HHIPL2: variants seen among roughly 807,000 people sequenced by gnomAD.
The protein encoded by HHIPL2 is HHIP like 2, also known as HHIP-like protein 2.
A neutral mutation model predicts 61.0 loss-of-function variants in HHIPL2; 61 were observed. The ratio of observed to expected loss-of-function variants is 1.00; its 90% confidence interval spans 0.81 to 1.24. HHIPL2 has a LOEUF of 1.24. Among genes scored for constraint, HHIPL2 ranks in the 50% most tolerant of loss-of-function variants. The probability of loss-of-function intolerance (pLI) is 0.00; values close to 1 mark genes in which losing one functional copy is unlikely to be tolerated. For missense variants in HHIPL2, 885 were observed against 910.2 expected, an observed-to-expected ratio of 0.97 and a Z score of 0.36; for synonymous variants, 343 against 357.4, an observed-to-expected ratio of 0.96 and a Z score of 0.45.
chr1:222,542,238 G>A lies in HHIPL2; in HGVS notation c.975-83C>T, dbSNP rs983837626. 9.3e-6 allele frequency: 14 copies of A among 1,498,102 alleles called. No individual in the cohort carries two copies. The Admixed American group carries it at 3.0e-4, about 32-fold the overall frequency. The allele number at this position is 1,498,102 out of a possible 1,614,324, so 92.8% of individuals were successfully genotyped here. A position where few individuals can be genotyped will look rare whatever the true frequency, so the allele number is the denominator to read the frequency against. On this transcript the variant is annotated intron_variant, in intron 2 of 8. Transcript: ENST00000343410. Reference sequence around the variant, plus strand: ...TCTTGAGATACCCAGAAATGACTGGGCCAAGCCACCGAGATTTGCCAAGCC... The same window carrying A: ...TCTTGAGATACCCAGAAATGACTGGACCAAGCCACCGAGATTTGCCAAGCC...
rs533756995 is a variant in HHIPL2 at position 222,526,408 on chromosome 1, TAA to T, written c.1805+559_1805+560del. 2.9e-3 allele frequency among the ~76,000 whole-genome samples: 381 copies of T among 130,542 alleles called. 4 individuals carry two copies. Among genetic ancestry groups the T allele is most frequent in the African/African-American group, 9.7e-3 (349 of 35,898 alleles). 85.6% of individuals were successfully genotyped at this position (130,542 alleles called of 152,430 possible). ...CAGACAGACATTTCCAGAAGCATAT[TAA>T]AAAAAAAAAAAAAGGCTGGGCATGG... is the stretch of plus-strand genomic sequence containing the variant. On this transcript the variant is annotated intron_variant, in intron 7 of 8. Transcript: ENST00000343410.
intron 5 of HHIPL2, among the ~76,000 whole-genome samples, chr1:222,535,151 G>C (rs961904488): frequency 2.0e-5 from 3 of 152,144 alleles, no homozygotes; most frequent in Non-Finnish European, 4.4e-5. Flanking sequence ...CATTGGAATG[G>C]TGCAAGCCAG....
intron 8 of HHIPL2, among the ~76,000 whole-genome samples, chr1:222,523,365 A>C (rs1276829195): frequency 1.3e-5 from 2 of 152,252 alleles, no homozygotes; most frequent in Non-Finnish European, 2.9e-5. Flanking sequence ...AAATGAATGA[A>C]TACATGAACG....
intron 7 of HHIPL2, chr1:222,524,873 A>G (rs376646629): frequency 3.3e-5 from 5 of 151,882 alleles, no homozygotes; most frequent in Non-Finnish European, 5.9e-5. Flanking sequence ...TCCTAAAATG[A>G]CCTCTCCACA....
chr1:222,538,739 C>T lies in HHIPL2; in HGVS notation c.1486G>A (p.Val496Met). 6.2e-7 allele frequency: 1 copy of T among 1,614,130 alleles called. No homozygotes were observed. The highest frequency in any genetic ancestry group is 2.2e-5 in the East Asian group (1 of 44,884). The change falls in exon 5 of 9, where the codon GTG (valine) becomes ATG (methionine). Residue 496 changes from valine to methionine, a missense_variant. By Grantham distance (21) the Val-to-Met change is conservative. Transcript: ENST00000343410. The part of the protein sequence containing the change: ...VLPIYAYGHA[V>M]GKSVTGGYVY... ...TAACCTCCAGTGACTGACTTCCCCA[C>T]TGCATGGCCATAAGCATAGATTGGC...
intron 3 of HHIPL2, among the ~76,000 whole-genome samples, chr1:222,541,108 G>C (rs911377627): frequency 6.6e-6 from 1 of 152,198 alleles, no homozygotes; most frequent in Non-Finnish European, 1.5e-5. Context: ...TATTTACCTT[G>C]CGGTGTGGTT....
Position 222,532,057 on chromosome 1 carries a change from AT to A in HHIPL2, c.1631del (p.Asp544ValfsTer15). 4 of 1,613,866 alleles carry A rather than the reference AT, an allele frequency of 2.5e-6. No homozygotes were observed. The highest frequency in any genetic ancestry group is 2.5e-6 in the Non-Finnish European group (3 of 1,179,798). ...DRKNKKWKKQ[D>X]LCLGSTTSCA... ...AGGACGTGGTGCTGCCCAGGCAAAG[AT>A]CCTGCTTCTTCCATTTCTTGTTTTT... On this transcript the variant is annotated frameshift_variant, in exon 6 of 9. Transcript: ENST00000343410. LOFTEE classifies it high-confidence loss of function.
chr1:222,544,878 G>C (rs1659522296), intron 1 of HHIPL2, among the ~76,000 whole-genome samples: 1 of 152,184 alleles, frequency 6.6e-6, no homozygotes, highest in African/African-American at 2.4e-5. Context: ...TCAGAGATTA[G>C]GTGTTTAGCA....
intron 2 of HHIPL2, 143 bp downstream of exon 2, chr1:222,543,394 C>A: frequency 1.2e-6 from 1 of 810,316 alleles, no homozygotes; most frequent in Non-Finnish European, 2.0e-6. Flanking sequence ...TAACTTGGGC[C>A]GTTCTCAATC....
At chr1:222,533,847 A>G (rs1384794481) in intron 5 of HHIPL2, among the ~76,000 whole-genome samples, 1 of 152,220 alleles carries the variant, frequency 6.6e-6, no homozygotes, top group African/African-American at 2.4e-5. Context: ...CAGGAAGACC[A>G]ATGCAGTAAG....
In HHIPL2 at chr1:222,543,927, C is replaced by A. The variant is rs1242540886; in HGVS notation, c.584G>T (p.Gly195Val). 1 of 1,614,198 alleles carries A rather than the reference C, an allele frequency of 6.2e-7. No homozygotes were observed. The highest frequency in any genetic ancestry group is 2.2e-5 in the East Asian group (1 of 44,882). Residue 195 changes from glycine to valine, a missense_variant, in exon 2 of 9, where the codon GGC becomes GTC. Physicochemically the swap from Gly to Val is moderately radical, Grantham distance 109. Coordinates refer to ENST00000343410, the MANE Select transcript of HHIPL2 (RefSeq NM_024746.4). ...GCCCTGAGGATCTTGGGCCACCATG[C>A]CCAGGTGGCGGTTGAGATAGTCGTT... ...LRNDYLNRHL[G>V]MVAQDPQGCL...
chr1:222,531,164 A>G (rs1386569534), intron 6 of HHIPL2, among the ~76,000 whole-genome samples: 3 of 152,098 alleles, frequency 2.0e-5, no homozygotes, highest in Non-Finnish European at 4.4e-5. Context: ...CCTTTTTCTC[A>G]GGTTTCTAAA....
At chr1:222,546,051 T>A (rs12049130) in intron 1 of HHIPL2, among the ~76,000 whole-genome samples, 3,506 of 150,582 alleles carry the variant, frequency 0.023, 109 homozygotes, top group East Asian at 0.15. Flanking sequence ...TCTCAAAAAA[T>A]AAATAAATAA....
chr1:222,538,240 GTGTGTGTGTA>G (rs1659346430), intron 5 of HHIPL2, among the ~76,000 whole-genome samples: 1 of 114,654 alleles, frequency 8.7e-6, no homozygotes, highest in South Asian at 2.6e-4. Context: ...GTGTGTGTGT[GTGTGTGTGTA>G]TGTATGTCAA....
At chr1:222,529,816 C>T (rs530301723) in intron 6 of HHIPL2, among the ~76,000 whole-genome samples, 40 of 152,194 alleles carry the variant, frequency 2.6e-4, no homozygotes, top group Non-Finnish European at 4.8e-4. Flanking sequence ...CAGCTATCAA[C>T]TCTCAGGACC....
At position 222,542,657 on chromosome 1, in the gene HHIPL2, A is replaced by G. The variant is rs972460861; in HGVS notation, c.975-502T>C. Among the ~76,000 whole-genome samples the G allele has an allele frequency of 1.5e-4, 23 of 151,386 alleles. No homozygotes were observed. In the Admixed American group the frequency reaches 1.5e-3, roughly 10 times the overall value. On this transcript the variant is annotated intron_variant, in intron 2 of 8. Coordinates refer to ENST00000343410, the MANE Select transcript of HHIPL2 (RefSeq NM_024746.4). ...GCGATTCTCCTGCCTCGGCCTCCTGAGTAGCTGGGACTACAGGCATGTGCC... is the reference window on the plus strand; with the variant it reads ...GCGATTCTCCTGCCTCGGCCTCCTGGGTAGCTGGGACTACAGGCATGTGCC...
At chr1:222,537,260 G>T in intron 5 of HHIPL2, among the ~76,000 whole-genome samples, 1 of 151,496 alleles carries the variant, frequency 6.6e-6, no homozygotes, top group Admixed American at 6.6e-5. Context: ...AGAAATAAAA[G>T]AAAATGTCCC....
At chr1:222,534,905 A>G (rs1416447354) in intron 5 of HHIPL2, among the ~76,000 whole-genome samples, 1 of 152,190 alleles carries the variant, frequency 6.6e-6, no homozygotes, top group African/African-American at 2.4e-5. Flanking sequence ...AGAGGAAAAC[A>G]CATTTGAAGA....
At chr1:222,546,047 A>AAAATAAATAAACAAAT (rs1659547754) in intron 1 of HHIPL2, among the ~76,000 whole-genome samples, 1 of 141,280 alleles carries the variant, frequency 7.1e-6, no homozygotes, top group Non-Finnish European at 1.5e-5. Flanking sequence ...TCTGTCTCAA[A>AAAATAAATAAACAAAT]AAATAAATAA....
Sources: allele counts gnomAD v4.1 joint callset (sites outside exome capture counted in the v4.1 genomes callset), GRCh38; gene constraint gnomAD v4.1.1; transcripts MANE v1.5; gene names NCBI Gene and HGNC (gene_info 2026-07-23, HGNC 2026-07-21).